The following ERCC3 variants were observed in gnomAD, a reference collection of about 807,000 sequenced individuals.
ERCC3 encodes general transcription and DNA repair factor IIH helicase/translocase subunit XPB.
In ERCC3, 66 loss-of-function variants were observed where a neutral mutation model predicts 94.2. The observed-to-expected ratio is 0.70, with a 90% CI of 0.57 to 0.86. The LOEUF (loss-of-function observed/expected upper bound fraction) is 0.86, where lower values mean the gene tolerates loss of function less well. Among genes scored for constraint, ERCC3 ranks in the 40% least tolerant of loss-of-function variants. The pLI is 0.00. For synonymous variants in ERCC3, 349 were observed against 369.1 expected, an observed-to-expected ratio of 0.95 and a Z score of 0.63; for missense variants, 829 against 987.1, an observed-to-expected ratio of 0.84 and a Z score of 2.15.
At position 127,279,064 on chromosome 2, in the gene ERCC3, C is replaced by A; in HGVS notation, c.1730+109G>T. ...GCCACAGAACAAGATCTTTGGAGCC[C>A]AAGAAGTTCCTGAGAGAAAAACAAA... On this transcript the variant is annotated intron_variant, in intron 10 of 14. Transcript: ENST00000285398. This position sits in a 1 kb window ranked among gnomAD's most constrained non-coding sequence, Gnocchi z 4.7. The A allele has an allele frequency of 1.3e-6, 1 of 752,944 alleles. No individual in the cohort carries two copies. The highest frequency in any genetic ancestry group is 1.7e-5 in the African/African-American group (1 of 57,744). 46.6% of individuals were successfully genotyped at this position (752,944 alleles called of 1,614,324 possible). A position where few individuals can be genotyped will look rare whatever the true frequency, so the allele number is the denominator to read the frequency against.
intron 3 of ERCC3, chr2:127,290,543 T>G (rs1230319527): frequency 2.5e-5 from 13 of 512,458 alleles, no homozygotes; most frequent in African/African-American, 3.9e-5. Flanking sequence ...GCATTCTGCC[T>G]TTCCTCTCTA....
chr2:127,285,414 G>A (rs775901085), intron 8 of ERCC3, among the ~76,000 whole-genome samples: 1 of 152,104 alleles, frequency 6.6e-6, no homozygotes, highest in Non-Finnish European at 1.5e-5. Context: ...ACAAAAATTT[G>A]GCCAGGTGTG....
chr2:127,290,369 G>A (rs1685226948), intron 3 of ERCC3, 96 bp from the exon 4 acceptor site: 2 of 1,083,210 alleles, frequency 1.8e-6, no homozygotes, highest in Admixed American at 3.5e-5. Flanking sequence ...CAAGTGAAAA[G>A]TTCATTTTAC....
rs1459079435 is a variant in ERCC3 at position 127,257,514 on chromosome 2, T to C, written c.*82A>G. The stretch of plus-strand genomic sequence containing the variant: ...AACGCTGGAGGGAAGGTCAAAGAGG[T>C]GGAAGGAAAATGTTATGCTGAAAAT... On this transcript the variant is annotated 3_prime_UTR_variant, in exon 15 of 15. Coordinates refer to ENST00000285398, the MANE Select transcript of ERCC3 (RefSeq NM_000122.2). The surrounding 1 kb of genome is among the most constrained non-coding windows in gnomAD (Gnocchi z 5.4). 2.5e-6 allele frequency: 4 copies of C among 1,579,738 alleles called. No individual in the cohort carries two copies. Among genetic ancestry groups the C allele is most frequent in the Non-Finnish European group, 3.5e-6 (4 of 1,151,172 alleles).
intron 10 of ERCC3, among the ~76,000 whole-genome samples, chr2:127,273,246 GCA>G (rs1170703666): frequency 1.3e-5 from 2 of 151,960 alleles, no homozygotes; most frequent in African/African-American, 4.8e-5. Flanking sequence ...CTTACTCTCA[GCA>G]CAGAGTCTAT....
Position 127,289,494 on chromosome 2 carries a change from T to A in ERCC3, c.665A>T (p.Lys222Met), listed in dbSNP as rs1685192466. Residue 222 changes from lysine (K) to methionine (M), a missense_variant, in exon 6 of 15, where the codon AAG becomes ATG. Lys to Met is a moderately conservative substitution (Grantham distance 95, BLOSUM62 -1). Transcript: ENST00000285398. ...ETFTSKSAIS[K>M]TAESSGGPST... Reference sequence around the variant, plus strand: ...GGGCCCACCACTGCTTTCAGCAGTCTTAGAAATCTGTGAGAGAGGTAGGTG... The same window carrying A: ...GGGCCCACCACTGCTTTCAGCAGTCATAGAAATCTGTGAGAGAGGTAGGTG... The A allele has an allele frequency of 6.2e-7, 1 of 1,612,490 alleles. No homozygotes were observed. Among genetic ancestry groups the A allele is most frequent in the South Asian group, 1.1e-5 (1 of 91,004 alleles).
rs1319634891 is a variant in ERCC3 at position 127,287,014 on chromosome 2, G to A, written c.1031C>T (p.Ala344Val). Residue 344 changes from alanine (A) to valine (V), a missense_variant, in exon 8 of 15, where the codon GCT (alanine) becomes GTT (valine). Physicochemically the swap from Ala to Val is moderately conservative, Grantham distance 64. Transcript: ENST00000285398. ...AGTCACACCAACCAGGGACTTTCCA[G>A]CACCTACAAGAAACAAGAGTGCAAT... is the stretch of plus-strand genomic sequence containing the variant. ...RSGVIVLPCG[A>V]GKSLVGVTAA... 2.5e-6 allele frequency: 4 copies of A among 1,610,594 alleles called. No homozygotes were observed. In the African/African-American group the frequency reaches 5.3e-5, roughly 22 times the overall value.
rs1685314733 is a variant in ERCC3 at position 127,292,727 on chromosome 2, T to G, written c.354A>C (p.Leu118=). The G allele has an allele frequency of 6.2e-7, 1 of 1,614,020 alleles. No homozygotes were observed. The highest frequency in any genetic ancestry group is 1.7e-5 in the Admixed American group (1 of 60,006). ...CRPTHVHEYK[L]TAYSLYAAVS... The stretch of plus-strand genomic sequence containing the variant: ...CAGCTGCATACAAGGAGTAGGCAGT[T>G]AGTTTGTACTCATGCACATGGGTTG... The change falls in exon 3 of 15, where the codon CTA becomes CTC. Residue 118 remains leucine (L), a synonymous_variant. Coordinates refer to ENST00000285398, the MANE Select transcript of ERCC3 (RefSeq NM_000122.2).
chr2:127,268,110 C>T (rs1239040352), intron 12 of ERCC3, among the ~76,000 whole-genome samples: 2 of 152,004 alleles, frequency 1.3e-5, no homozygotes, highest in Non-Finnish European at 1.5e-5. Context: ...CCTGCCACCA[C>T]GCCCGGCTAA....
intron 12 of ERCC3, among the ~76,000 whole-genome samples, chr2:127,267,142 A>T (rs896355936): frequency 6.6e-6 from 1 of 152,026 alleles, no homozygotes; most frequent in Admixed American, 6.6e-5. Flanking sequence ...TAAGTACAGA[A>T]TTTCTTTGTT....
At position 127,271,470 on chromosome 2, in the gene ERCC3, G is replaced by T; in HGVS notation, c.1828-17C>A. 1 of 1,572,270 alleles carries T rather than the reference G, an allele frequency of 6.4e-7. No individual in the cohort carries two copies. Among genetic ancestry groups the T allele is most frequent in the Non-Finnish European group, 8.7e-7 (1 of 1,144,278 alleles). On this transcript the variant is annotated splice_polypyrimidine_tract_variant and intron_variant, in intron 11 of 14. Coordinates refer to ENST00000285398, the MANE Select transcript of ERCC3 (RefSeq NM_000122.2). The surrounding 1 kb of genome is among the most constrained non-coding windows in gnomAD (Gnocchi z 5.0). ...GTCACCTACCTACAGAAACAAGTTG[G>T]AAGGTTTTTATATATGAGGAAAAAA...
chr2:127,280,900 T>C lies in ERCC3; in HGVS notation c.1343-269A>G. ...CTTATGACACCACCTGAACTAACCC[T>C]TGGGTTTCAGGACCACAGAAGCTGG... On this transcript the variant is annotated intron_variant, in intron 8 of 14. Coordinates refer to ENST00000285398, the MANE Select transcript of ERCC3 (RefSeq NM_000122.2). The surrounding 1 kb of genome is among the most constrained non-coding windows in gnomAD (Gnocchi z 6.3). The C allele has an allele frequency of 1.9e-6, 1 of 518,172 alleles. No individual in the cohort carries two copies. 32.1% of individuals were successfully genotyped at this position (518,172 alleles called of 1,614,324 possible).
chr2:127,289,832 C>G lies in ERCC3; in HGVS notation c.522-8G>C. 1.9e-6 allele frequency: 3 copies of G among 1,614,084 alleles called. No homozygotes were observed. The South Asian group carries it at 3.3e-5, about 18-fold the overall frequency. ...CAACTTTCAACGAAGTATCTGCAAG[C>G]AGGGGAGGAAGAAGGGGTCTACTGA... On this transcript the variant is annotated splice_polypyrimidine_tract_variant and splice_region_variant and intron_variant, in intron 4 of 14. Transcript: ENST00000285398.
Position 127,271,374 on chromosome 2 carries a change from TC to T in ERCC3, c.1906del (p.Glu636LysfsTer5). 6.2e-7 allele frequency: 1 copy of T among 1,614,126 alleles called. No individual in the cohort carries two copies. Among genetic ancestry groups the T allele is most frequent in the Non-Finnish European group, 8.5e-7 (1 of 1,180,004 alleles). On this transcript the variant is annotated frameshift_variant, in exon 12 of 15. Transcript: ENST00000285398. LOFTEE classifies it high-confidence loss of function. The surrounding 1 kb of genome is among the most constrained non-coding windows in gnomAD (Gnocchi z 5.0). ...AAGCACCCGCCCTAGCCTTTGGGCT[TC>T]CTGACGCCTGGAGCCACCATGGGAT... ...ISSHGGSRRQ[E>X]AQRLGRVLRA...
At chr2:127,281,100 A>G in intron 8 of ERCC3, 1 of 408,912 alleles carries the variant, frequency 2.4e-6, no homozygotes, top group South Asian at 1.1e-4. Flanking sequence ...TTTGAAATAC[A>G]ACCTGCAATA....
intron 4 of ERCC3, 125 bp downstream of exon 4, chr2:127,290,094 TTTCTC>T (rs201976653): frequency 0.011 from 9,145 of 868,304 alleles, 92 homozygotes; most frequent in African/African-American, 0.043. Flanking sequence ...ACATCTCTTG[TTTCTC>T]TTCTCTTATC....
intron 13 of ERCC3, 186 bp downstream of exon 13, chr2:127,261,042 A>G (rs1487294693): frequency 1.6e-6 from 1 of 636,118 alleles, no homozygotes; most frequent in Non-Finnish European, 2.9e-6. Flanking sequence ...TCCTGCCAGG[A>G]CGGCACACTT....
intron 8 of ERCC3, among the ~76,000 whole-genome samples, chr2:127,283,362 A>C (rs1684976012): frequency 6.6e-6 from 1 of 152,220 alleles, no homozygotes; most frequent in Middle Eastern, 3.4e-3. Flanking sequence ...TTTGAGGCTG[A>C]CTTCTTTCAC....
intron 8 of ERCC3, among the ~76,000 whole-genome samples, chr2:127,285,480 C>G (rs1489034702): frequency 6.6e-6 from 1 of 152,096 alleles, no homozygotes; most frequent in Non-Finnish European, 1.5e-5. Flanking sequence ...CACCTGAAGT[C>G]AGGAGTTTGA....
Sources: allele counts gnomAD v4.1 joint callset (sites outside exome capture counted in the v4.1 genomes callset), GRCh38; gene constraint gnomAD v4.1.1; non-coding constraint Gnocchi (gnomAD v3.1); transcripts MANE v1.5; gene names NCBI Gene and HGNC (gene_info 2026-07-23, HGNC 2026-07-21).